SSR3: variants seen among roughly 807,000 people sequenced by gnomAD.
The protein encoded by SSR3 is translocon-associated protein subunit gamma.
SSR3 carries 10 observed loss-of-function variants against 22.1 expected under a neutral mutation model. The observed-to-expected ratio is 0.45, with a 90% CI of 0.28 to 0.77. SSR3 has a LOEUF of 0.77. Ranked by LOEUF, SSR3 falls within the 30% of genes least tolerant of loss-of-function variation. The pLI is 0.13. For synonymous variants in SSR3, 104 were observed against 82.5 expected (o/e 1.26, Z -1.42); for missense variants, 181 against 220.5 (o/e 0.82, Z 1.13).
chr3:156,546,280 A>T (rs1213369426), intron 3 of SSR3, among the ~76,000 whole-genome samples: 5 of 152,238 alleles, frequency 3.3e-5, no homozygotes, highest in Non-Finnish European at 7.3e-5. Context: ...CACCTTGTGT[A>T]GAAGGCACTT....
intron 3 of SSR3, among the ~76,000 whole-genome samples, chr3:156,547,968 T>C (rs1310394595): frequency 3.3e-5 from 5 of 152,210 alleles, no homozygotes; most frequent in African/African-American, 1.2e-4. Flanking sequence ...TTCTGGTCCT[T>C]TAAAAGTGTG....
chr3:156,551,762 T>C (rs1411962612), intron 2 of SSR3, among the ~76,000 whole-genome samples: 1 of 152,146 alleles, frequency 6.6e-6, no homozygotes, highest in African/African-American at 2.4e-5. Flanking sequence ...AAAGAAATGA[T>C]CAAAATCAGG....
Position 156,555,072 on chromosome 3 carries a change from G to C in SSR3, c.18C>G (p.Ser6Arg), listed in dbSNP as rs1355024305. 4 of 1,613,828 alleles carry C rather than the reference G, an allele frequency of 2.5e-6. No individual in the cohort carries two copies. The highest frequency in any genetic ancestry group is 3.4e-6 in the Non-Finnish European group (4 of 1,179,938). ...GGTCCTCCTCAGACTGCTGTTTGGAGCTGCCTTTAGGAGCCATGGCGGAGC... is the reference window on the plus strand; with the variant it reads ...GGTCCTCCTCAGACTGCTGTTTGGACCTGCCTTTAGGAGCCATGGCGGAGC... MAPKG[S>R]SKQQSEEDLL... is the part of the protein sequence containing the mutation. The change falls in exon 1 of 5, where the codon AGC becomes AGG. Residue 6 changes from serine to arginine, a missense_variant. Transcript: ENST00000265044.
chr3:156,540,623 AAAAAGAAT>A lies in SSR3; in HGVS notation c.*2572_*2579del. On this transcript the variant is annotated 3_prime_UTR_variant, in exon 5 of 5. Transcript: ENST00000265044. The stretch of plus-strand genomic sequence containing the variant: ...GCTGTCTCAAAAAAAAAAAAAAAAA[AAAAAGAAT>A]ATCAATCCAAGATTTTTATTAAGTT... The A allele has an allele frequency of 6.6e-6, 1 of 151,434 alleles. No homozygotes were observed. The highest frequency in any genetic ancestry group is 2.1e-4 in the South Asian group (1 of 4,788). The allele number at this position is 151,434 out of a possible 1,614,324, so 9.4% of individuals were successfully genotyped here.
Position 156,550,364 on chromosome 3 carries a change from T to A in SSR3, c.261-1361A>T, listed in dbSNP as rs893063303. Among the ~76,000 whole-genome samples, 15 of 152,248 alleles carry A rather than the reference T, an allele frequency of 9.9e-5. 1 individual carries two copies. The highest frequency in any genetic ancestry group is 1.5e-5 in the Non-Finnish European group (1 of 68,034). ...TCTTTAGGACGAACAGTCAACCGAT[T>A]GTCCACATGATAAATCCTCATGAAG... On this transcript the variant is annotated intron_variant, in intron 2 of 4. Coordinates refer to ENST00000265044, the MANE Select transcript of SSR3 (RefSeq NM_007107.5).
intron 3 of SSR3, among the ~76,000 whole-genome samples, chr3:156,548,440 G>C (rs1171128809): frequency 6.6e-6 from 1 of 152,184 alleles, no homozygotes; most frequent in Non-Finnish European, 1.5e-5. Flanking sequence ...ACCCAGAGGG[G>C]TTAGGCGATA....
chr3:156,550,799 C>G (rs1719923419), intron 2 of SSR3, among the ~76,000 whole-genome samples: 1 of 152,258 alleles, frequency 6.6e-6, no homozygotes, highest in South Asian at 2.1e-4. Flanking sequence ...GCCCCAACCT[C>G]TTCAACCCTG....
intron 2 of SSR3, among the ~76,000 whole-genome samples, chr3:156,553,243 T>C (rs2108450799): frequency 1.3e-5 from 2 of 150,968 alleles, no homozygotes; most frequent in East Asian, 3.9e-4. Flanking sequence ...GGGCAAGAAC[T>C]AGACCTTGTC....
intron 2 of SSR3, 147 bp downstream of exon 2, chr3:156,553,508 G>T: frequency 1.3e-6 from 1 of 759,544 alleles, no homozygotes; most frequent in Admixed American, 3.5e-5. Context: ...ATTCTTCCTA[G>T]CATCAATGTT....
rs144273142 is a variant in SSR3 at position 156,541,924 on chromosome 3, G to A, written c.*1279C>T. 10 of 152,248 alleles carry A rather than the reference G, an allele frequency of 6.6e-5. No individual in the cohort carries two copies. In the East Asian group the frequency reaches 1.4e-3, roughly 21 times the overall value. 9.4% of individuals were successfully genotyped at this position (152,248 alleles called of 1,614,324 possible). A position where few individuals can be genotyped will look rare whatever the true frequency, so the allele number is the denominator to read the frequency against. On this transcript the variant is annotated 3_prime_UTR_variant, in exon 5 of 5. Transcript: ENST00000265044. Reference sequence around the variant, plus strand: ...GCATGGAAGTGGAAGTTAAACTCCCGATGAATAATTTTTATAAAATTATAA... The same window carrying A: ...GCATGGAAGTGGAAGTTAAACTCCCAATGAATAATTTTTATAAAATTATAA...
At position 156,542,982 on chromosome 3, in the gene SSR3, A is replaced by G. The variant is rs748307697; in HGVS notation, c.*221T>C. The G allele has an allele frequency of 1.1e-5, 5 of 438,648 alleles. No individual in the cohort carries two copies. Among genetic ancestry groups the G allele is most frequent in the Non-Finnish European group, 2.0e-5 (5 of 247,456 alleles). 27.2% of individuals were successfully genotyped at this position (438,648 alleles called of 1,614,324 possible). On this transcript the variant is annotated 3_prime_UTR_variant, in exon 5 of 5. Coordinates refer to ENST00000265044, the MANE Select transcript of SSR3 (RefSeq NM_007107.5). ...ATTGCAAGACATTTTTTTCCTTTTAATAAACGTCCTAGTACTCTGAGTTTC... is the reference window on the plus strand; with the variant it reads ...ATTGCAAGACATTTTTTTCCTTTTAGTAAACGTCCTAGTACTCTGAGTTTC...
Position 156,554,015 on chromosome 3 carries a change from A to G in SSR3, c.134-234T>C, listed in dbSNP as rs561380525. 2.0e-5 allele frequency: 7 copies of G among 349,774 alleles called. No homozygotes were observed. The South Asian group carries it at 7.0e-4, about 35-fold the overall frequency. 21.7% of individuals were successfully genotyped at this position (349,774 alleles called of 1,614,324 possible). ...CACCTTCCTATTACTAGTCCAGATG[A>G]GATTTCAACTTCTAAAATGAGAACA... On this transcript the variant is annotated intron_variant, in intron 1 of 4. Transcript: ENST00000265044.
At position 156,544,369 on chromosome 3, in the gene SSR3, G is replaced by C. The variant is rs1719683208; in HGVS notation, c.430C>G (p.Leu144Val). ...TTFSIFYNNT[L>V]FLVVVIVASF... ...GCAACAATGACCACGACCAGGAACA[G>C]AGTGTTGTTATAGAAGATGGAAAAT... The change falls in exon 4 of 5, where the codon CTG becomes GTG. Residue 144 changes from leucine to valine, a missense_variant. By Grantham distance (32) the Leu-to-Val change is conservative. Transcript: ENST00000265044. 3.1e-6 allele frequency: 5 copies of C among 1,602,290 alleles called. No homozygotes were observed. Among genetic ancestry groups the C allele is most frequent in the East Asian group, 2.3e-5 (1 of 44,354 alleles).
intron 2 of SSR3, among the ~76,000 whole-genome samples, chr3:156,550,833 A>T (rs1719924814): frequency 6.6e-6 from 1 of 152,232 alleles, no homozygotes; most frequent in African/African-American, 2.4e-5. Context: ...ATTATGTGCC[A>T]GACTCTATGC....
intron 1 of SSR3, chr3:156,554,656 T>G: frequency 2.8e-6 from 1 of 355,862 alleles, no homozygotes. Flanking sequence ...TGAGTTTGTC[T>G]GTTTAAATAG....
chr3:156,552,075 C>T (rs770889623), intron 2 of SSR3, among the ~76,000 whole-genome samples: 11 of 152,098 alleles, frequency 7.2e-5, no homozygotes, highest in South Asian at 4.1e-4. Flanking sequence ...CCGAGGCAGA[C>T]GGATCACTTG....
rs1190342038 is a variant in SSR3 at position 156,539,753 on chromosome 3, CA to C, written c.*3449del. ...GGTTTTCTCCATAAATGTACACATA[CA>C]TGTATCCTTCCATCCTGTCTCCAGA... On this transcript the variant is annotated 3_prime_UTR_variant, in exon 5 of 5. Coordinates refer to ENST00000265044, the MANE Select transcript of SSR3 (RefSeq NM_007107.5). 1.3e-5 allele frequency among the ~76,000 whole-genome samples: 2 copies of C among 152,136 alleles called. No homozygotes were observed. Among genetic ancestry groups the C allele is most frequent in the Non-Finnish European group, 2.9e-5 (2 of 68,036 alleles).
chr3:156,544,170 T>TTA, intron 4 of SSR3, 138 bp downstream of exon 4: 1 of 600,628 alleles, frequency 1.7e-6, no homozygotes. Flanking sequence ...TCCAGAAAGT[T>TTA]ATCTAAAGTC....
intron 3 of SSR3, among the ~76,000 whole-genome samples, chr3:156,545,179 G>T (rs998257166): frequency 6.6e-6 from 1 of 152,140 alleles, no homozygotes; most frequent in Non-Finnish European, 1.5e-5. Context: ...TTTTTAAAAG[G>T]GTAGGTTGTG....
Sources: allele counts gnomAD v4.1 joint callset (sites outside exome capture counted in the v4.1 genomes callset), GRCh38; gene constraint gnomAD v4.1.1; transcripts MANE v1.5; gene names NCBI Gene and HGNC (gene_info 2026-07-23, HGNC 2026-07-21).